The following PARD3B variants were observed in gnomAD, a reference collection of about 807,000 sequenced individuals.
PARD3B encodes partitioning defective 3 homolog B.
In PARD3B, 103 loss-of-function variants were observed where a neutral mutation model predicts 130.2. The observed-to-expected ratio is 0.79, with a 90% CI of 0.67 to 0.93. PARD3B has a LOEUF of 0.93. Ranked by LOEUF, PARD3B falls within the 40% of genes least tolerant of loss-of-function variation. The probability of loss-of-function intolerance (pLI) is 0.00; values close to 1 mark genes in which losing one functional copy is unlikely to be tolerated. For synonymous variants in PARD3B, 583 were observed against 553.2 expected (o/e 1.05, Z -0.76); for missense variants, 1,609 against 1,499.2 (o/e 1.07, Z -1.21).
intron 16 of PARD3B, among the ~76,000 whole-genome samples, chr2:205,294,075 A>AT (rs1388789687): frequency 6.6e-6 from 1 of 151,980 alleles, no homozygotes; most frequent in Non-Finnish European, 1.5e-5. Context: ...TGTGTACTTA[A>AT]TTTTTCAGTT....
In PARD3B at chr2:205,470,508, A is replaced by C. The variant is rs182712418; in HGVS notation, c.3045-29388A>C. 6.6e-6 allele frequency among the ~76,000 whole-genome samples: 1 copy of C among 152,230 alleles called. No individual in the cohort carries two copies. The highest frequency in any genetic ancestry group is 1.9e-4 in the East Asian group (1 of 5,164). On this transcript the variant is annotated intron_variant, in intron 20 of 22. Transcript: ENST00000406610. This position sits in a 1 kb window ranked among gnomAD's most constrained non-coding sequence, Gnocchi z 4.8. ...TTCAGGAGTTAGAGCATTTCTCCTGAATCTCCCTAAACTCGCATCAGATCT... is the reference window on the plus strand; with the variant it reads ...TTCAGGAGTTAGAGCATTTCTCCTGCATCTCCCTAAACTCGCATCAGATCT...
intron 2 of PARD3B, among the ~76,000 whole-genome samples, chr2:204,707,612 G>T (rs1473478449): frequency 6.6e-6 from 1 of 151,998 alleles, no homozygotes; most frequent in Non-Finnish European, 1.5e-5. Flanking sequence ...ATGAATTATT[G>T]TGTGTTTGTG....
chr2:205,275,347 T>C (rs538030329), intron 16 of PARD3B, among the ~76,000 whole-genome samples: 3 of 152,272 alleles, frequency 2.0e-5, no homozygotes, highest in Middle Eastern at 6.8e-3. Context: ...TATGAGGTCA[T>C]GAATTACAAG....
chr2:205,114,823 G>C (rs573116638), intron 6 of PARD3B, among the ~76,000 whole-genome samples: 1 of 151,004 alleles, frequency 6.6e-6, no homozygotes, highest in East Asian at 2.0e-4. Flanking sequence ...CAAAAGAAAT[G>C]AACCAAAAAG....
At chr2:204,546,413 G>A (rs1020956590) in intron 1 of PARD3B, among the ~76,000 whole-genome samples, 2 of 152,098 alleles carry the variant, frequency 1.3e-5, no homozygotes, top group African/African-American at 4.8e-5. Flanking sequence ...GCTCTTTAAC[G>A]AGATCCCCAG....
chr2:204,617,076 A>G (rs1244762828), intron 1 of PARD3B, among the ~76,000 whole-genome samples: 1 of 152,168 alleles, frequency 6.6e-6, no homozygotes, highest in Non-Finnish European at 1.5e-5. Context: ...AGATTTCTCA[A>G]ATGTTCCAAA....
intron 2 of PARD3B, among the ~76,000 whole-genome samples, chr2:204,861,312 A>G (rs979541082): frequency 1.3e-5 from 2 of 152,124 alleles, no homozygotes; most frequent in Admixed American, 6.6e-5. Context: ...GCAGAAATAT[A>G]TAACTTGGTT....
intron 4 of PARD3B, among the ~76,000 whole-genome samples, chr2:205,058,401 C>CG (rs1198948581): frequency 1.3e-5 from 2 of 151,836 alleles, no homozygotes; most frequent in Non-Finnish European, 2.9e-5. Flanking sequence ...ACTGTGGATA[C>CG]GGGTGTAAAA....
intron 18 of PARD3B, among the ~76,000 whole-genome samples, chr2:205,380,896 A>ATATATATAATATATAAAGAATATAT (rs1553499087): frequency 0.35 from 4,899 of 14,020 alleles, 1,243 homozygotes; most frequent in African/African-American, 0.55. Flanking sequence ...TATATAAAGA[A>ATATATATAATATATAAAGAATATAT]TATATATAAT....
chr2:204,634,239 C>A (rs1030949089), intron 1 of PARD3B, among the ~76,000 whole-genome samples: 2 of 152,084 alleles, frequency 1.3e-5, no homozygotes, highest in African/African-American at 4.8e-5. Flanking sequence ...TGAGAACATG[C>A]GATGTTGGTC....
intron 13 of PARD3B, among the ~76,000 whole-genome samples, chr2:205,184,142 T>A (rs2035960817): frequency 6.6e-6 from 1 of 152,144 alleles, no homozygotes; most frequent in Admixed American, 6.5e-5. Context: ...TATTTAAATG[T>A]GAATCTTGTT....
chr2:204,725,310 T>C (rs1275075379), intron 2 of PARD3B, among the ~76,000 whole-genome samples: 1 of 152,192 alleles, frequency 6.6e-6, no homozygotes, highest in Non-Finnish European at 1.5e-5. Flanking sequence ...TTTTTTAATC[T>C]GGAAAAAGCA....
chr2:204,632,490 A>C (rs1222109972), intron 1 of PARD3B, among the ~76,000 whole-genome samples: 1 of 151,784 alleles, frequency 6.6e-6, no homozygotes, highest in East Asian at 1.9e-4. Flanking sequence ...TGGTTTTTTA[A>C]ATTGTTGTTG....
At chr2:204,973,909 T>G (rs1483376757) in intron 3 of PARD3B, among the ~76,000 whole-genome samples, 5 of 152,202 alleles carry the variant, frequency 3.3e-5, no homozygotes, top group Non-Finnish European at 5.9e-5. Flanking sequence ...TCTATTTTGC[T>G]TACCCCTTTT....
At chr2:205,058,969 TG>T (rs1699903953) in intron 4 of PARD3B, among the ~76,000 whole-genome samples, 1 of 151,776 alleles carries the variant, frequency 6.6e-6, no homozygotes, top group African/African-American at 2.4e-5. Context: ...TTTTTTTAAC[TG>T]TGCTTTTTGT....
At chr2:205,305,585 T>C (rs1380859898) in intron 18 of PARD3B, among the ~76,000 whole-genome samples, 1 of 152,202 alleles carries the variant, frequency 6.6e-6, no homozygotes, top group African/African-American at 2.4e-5. Context: ...GTAATTGCAA[T>C]ATATTTAGAT....
chr2:204,878,982 T>A (rs2045943353), intron 2 of PARD3B, among the ~76,000 whole-genome samples: 1 of 152,186 alleles, frequency 6.6e-6, no homozygotes, highest in Admixed American at 6.5e-5. Context: ...AGCAGAAAGC[T>A]GTAATTGTTG....
chr2:205,242,855 T>C (rs190594326), intron 15 of PARD3B, among the ~76,000 whole-genome samples: 35 of 152,288 alleles, frequency 2.3e-4, no homozygotes, highest in African/African-American at 8.2e-4. Flanking sequence ...ATTTCTCATA[T>C]GGAGAAACTA....
intron 18 of PARD3B, among the ~76,000 whole-genome samples, chr2:205,381,178 A>G (rs2045425153): frequency 8.2e-6 from 1 of 122,512 alleles, no homozygotes; most frequent in Non-Finnish European, 1.6e-5. Flanking sequence ...TATATAATAT[A>G]TATAAAGAAT....
Sources: gnomAD v4.1 joint callset for allele counts (sites outside exome capture counted in the v4.1 genomes callset) on GRCh38, gnomAD v4.1.1 for gene constraint, Gnocchi (gnomAD v3.1) non-coding constraint, MANE v1.5 for transcripts, NCBI Gene and HGNC (gene_info 2026-07-23, HGNC 2026-07-21) for gene names.